Variants in MPPED1 observed in about 807,000 individuals in gnomAD.
MPPED1 encodes metallophosphoesterase domain-containing protein 1.
In MPPED1, 16 loss-of-function variants were observed where a neutral mutation model predicts 36.2. That is an observed-to-expected ratio of 0.44 (90% CI 0.30 to 0.67). The LOEUF is 0.67. MPPED1 is among the 30% of genes least tolerant of loss of function. MPPED1 has a pLI of 0.10. For missense variants in MPPED1, 307 were observed against 453.4 expected (o/e 0.68, Z 2.93); for synonymous variants, 199 against 191.3 (o/e 1.04, Z -0.33).
Position 43,436,643 on chromosome 22 carries a change from G to T in MPPED1, c.406+1428G>T, listed in dbSNP as rs191979189. On this transcript the variant is annotated intron_variant, in intron 3 of 6. Transcript: ENST00000443721. ...CAGTTCTGGGCTGCCTCCCAGGAGG[G>T]GCCCCTTCCCCGAGGGAGGCTGCTT... is the stretch of plus-strand genomic sequence containing the variant. Among the ~76,000 whole-genome samples the T allele has an allele frequency of 7.2e-3, 1,099 of 152,342 alleles. 14 individuals carry two copies. The highest frequency in any genetic ancestry group is 0.025 in the African/African-American group (1,041 of 41,582).
intron 3 of MPPED1, among the ~76,000 whole-genome samples, chr22:43,473,379 G>A (rs9612083): frequency 1.3e-5 from 2 of 152,134 alleles, no homozygotes; most frequent in East Asian, 3.8e-4. Context: ...GCGAGGTGTC[G>A]GTCTTTGTTA....
At chr22:43,423,670 G>A (rs1348034308) in intron 1 of MPPED1, among the ~76,000 whole-genome samples, 1 of 152,116 alleles carries the variant, frequency 6.6e-6, no homozygotes, top group African/African-American at 2.4e-5. Context: ...TCTAATTTTT[G>A]TCTTTTTCCT....
At chr22:43,435,337 C>A in intron 3 of MPPED1, 122 bp downstream of exon 3, 1 of 1,084,874 alleles carries the variant, frequency 9.2e-7, no homozygotes, top group Admixed American at 2.4e-5. Flanking sequence ...TTGGCCTGTG[C>A]CTGCCTGGTC....
intron 4 of MPPED1, among the ~76,000 whole-genome samples, chr22:43,494,540 G>T (rs1463342002): frequency 6.6e-6 from 1 of 151,928 alleles, no homozygotes. Context: ...CCTCTTTTAA[G>T]GACACCAGTC....
intron 1 of MPPED1, 79 bp downstream of exon 1, chr22:43,412,237 C>A (rs891527751): frequency 9.6e-6 from 8 of 834,422 alleles, no homozygotes; most frequent in East Asian, 2.5e-4. Context: ...CCTCTCCAGG[C>A]GCTGGGCGAC....
intron 3 of MPPED1, among the ~76,000 whole-genome samples, chr22:43,447,955 T>C (rs557909108): frequency 5.5e-4 from 81 of 147,828 alleles, no homozygotes; most frequent in African/African-American, 2.0e-3. Context: ...CTCGGCTCAC[T>C]ACAACCTCTG....
chr22:43,500,764 G>A (rs986462774), intron 5 of MPPED1, among the ~76,000 whole-genome samples: 7 of 152,098 alleles, frequency 4.6e-5, no homozygotes, highest in South Asian at 2.1e-4. Context: ...AGGCTGCAGG[G>A]TAGAGGGTTC....
intron 3 of MPPED1, among the ~76,000 whole-genome samples, chr22:43,440,791 A>G (rs1389293465): frequency 6.6e-6 from 1 of 152,102 alleles, no homozygotes; most frequent in African/African-American, 2.4e-5. Flanking sequence ...CAGAGGCCAC[A>G]GGTGGCTTTG....
In MPPED1 at chr22:43,502,167, G is replaced by A. The variant is rs894282308; in HGVS notation, c.749-477G>A. Among the ~76,000 whole-genome samples the A allele has an allele frequency of 6.6e-5, 10 of 152,154 alleles. No homozygotes were observed. Among genetic ancestry groups the A allele is most frequent in the Admixed American group, 2.0e-4 (3 of 15,280 alleles). On this transcript the variant is annotated intron_variant, in intron 5 of 6. Coordinates refer to ENST00000443721, the MANE Select transcript of MPPED1 (RefSeq NM_001044370.2). This position sits in a 1 kb window ranked among gnomAD's most constrained non-coding sequence, Gnocchi z 5.5. Reference sequence around the variant, plus strand: ...CTGCTCATGAGTCTGTGCTGTTTAGGAAGTTTCTGACATGGAAATCTCACT... The same window carrying A: ...CTGCTCATGAGTCTGTGCTGTTTAGAAAGTTTCTGACATGGAAATCTCACT...
At chr22:43,503,642 C>T (rs1932768293) in intron 6 of MPPED1, among the ~76,000 whole-genome samples, 1 of 152,198 alleles carries the variant, frequency 6.6e-6, no homozygotes, top group Admixed American at 6.5e-5. Context: ...CCTCACCTGG[C>T]CCTGGAGTAG....
chr22:43,472,458 C>G (rs559198695), intron 3 of MPPED1, among the ~76,000 whole-genome samples: 3 of 152,212 alleles, frequency 2.0e-5, no homozygotes, highest in Non-Finnish European at 2.9e-5. Context: ...CACAGGGAAG[C>G]TAAGTCGTAC....
At chr22:43,469,610 T>G (rs1370981200) in intron 3 of MPPED1, among the ~76,000 whole-genome samples, 1 of 127,376 alleles carries the variant, frequency 7.9e-6, no homozygotes, top group East Asian at 2.4e-4. Context: ...ACTTCCGTTC[T>G]GTGTCCTCCA....
intron 5 of MPPED1, among the ~76,000 whole-genome samples, chr22:43,498,720 G>A (rs1451202684): frequency 6.6e-6 from 1 of 151,910 alleles, no homozygotes; most frequent in Non-Finnish European, 1.5e-5. Context: ...TCAGAAACCT[G>A]GGGTCCCCAC....
intron 3 of MPPED1, among the ~76,000 whole-genome samples, chr22:43,460,263 ACC>A (rs368015046): frequency 0.011 from 1,050 of 93,816 alleles, 64 homozygotes; most frequent in African/African-American, 0.037. Flanking sequence ...ACAAACCCAA[ACC>A]CCCCCCCCCA....
intron 3 of MPPED1, among the ~76,000 whole-genome samples, chr22:43,437,382 A>G (rs1216825152): frequency 6.6e-6 from 1 of 152,238 alleles, no homozygotes; most frequent in Non-Finnish European, 1.5e-5. Context: ...TGAGGCAGGA[A>G]CTATTATCAT....
At chr22:43,495,481 G>GGTGGTGGAGGTA (rs1392002083) in intron 4 of MPPED1, among the ~76,000 whole-genome samples, 1 of 55,012 alleles carries the variant, frequency 1.8e-5, no homozygotes, top group Non-Finnish European at 3.3e-5. Flanking sequence ...TGGTGGAGGT[G>GGTGGTGGAGGTA]GTGGTGGAGG....
rs1931052553 is a variant in MPPED1 at position 43,463,829 on chromosome 22, TTCTTTC to T, written c.407-10905_407-10900del. Among the ~76,000 whole-genome samples, 103 of 141,456 alleles carry T rather than the reference TTCTTTC, an allele frequency of 7.3e-4. 2 individuals are homozygous for T. Among genetic ancestry groups the T allele is most frequent in the South Asian group, 1.6e-3 (7 of 4,320 alleles). The allele number at this position is 141,456 out of a possible 152,430, so 92.8% of individuals were successfully genotyped here. ...TTCTTTTCTTTCTTTCTTTCTTTCT[TTCTTTC>T]TTTCTTTCTTTCTTTCTTTCTTTCT... On this transcript the variant is annotated intron_variant, in intron 3 of 6. Transcript: ENST00000443721.
chr22:43,417,065 AAG>A, intron 1 of MPPED1: 1 of 963,286 alleles, frequency 1.0e-6, no homozygotes, highest in Non-Finnish European at 1.2e-6. Flanking sequence ...TTGGAAAATG[AAG>A]CGGCAGAGAC....
chr22:43,466,709 C>G (rs1050967114), intron 3 of MPPED1, among the ~76,000 whole-genome samples: 2 of 152,122 alleles, frequency 1.3e-5, no homozygotes, highest in Non-Finnish European at 2.9e-5. Flanking sequence ...CCTGATCACC[C>G]CAGGGGCAGT....
Sources: gnomAD v4.1 joint callset for allele counts (sites outside exome capture counted in the v4.1 genomes callset) on GRCh38, gnomAD v4.1.1 for gene constraint, Gnocchi (gnomAD v3.1) non-coding constraint, MANE v1.5 for transcripts, NCBI Gene and HGNC (gene_info 2026-07-23, HGNC 2026-07-21) for gene names.